The following CLCN3 variants were observed in gnomAD, a reference collection of about 807,000 sequenced individuals.
CLCN3 encodes the protein H(+)/Cl(-) exchange transporter 3.
A neutral mutation model predicts 83.4 loss-of-function variants in CLCN3; 16 were observed. The ratio of observed to expected loss-of-function variants is 0.19; its 90% CI spans 0.13 to 0.29. The LOEUF (loss-of-function observed/expected upper bound fraction) is 0.29. CLCN3 is among the 10% of genes least tolerant of loss of function. CLCN3 has a pLI of 1.00. For synonymous variants in CLCN3, 322 were observed against 346.2 expected (o/e 0.93, Z 0.78); for missense variants, 544 against 1,006.0 (o/e 0.54, Z 6.21).
chr4:169,718,276 T>G (rs1317603590), intron 12 of CLCN3, among the ~76,000 whole-genome samples: 7 of 152,138 alleles, frequency 4.6e-5, no homozygotes, highest in Admixed American at 6.5e-5. Context: ...TTTTAAATGT[T>G]TCCCGATCTT....
At chr4:169,696,819 T>TC (rs112485901) in intron 8 of CLCN3, among the ~76,000 whole-genome samples, 25,461 of 151,546 alleles carry the variant, frequency 0.17, 3,517 homozygotes, top group African/African-American at 0.39. Flanking sequence ...TATTCTTTTT[T>TC]TTTTTTTAAT....
intron 3 of CLCN3, among the ~76,000 whole-genome samples, chr4:169,685,161 G>C (rs1732105937): frequency 6.6e-6 from 1 of 151,940 alleles, no homozygotes; most frequent in Non-Finnish European, 1.5e-5. Context: ...AAATTACTTT[G>C]TTGTAAAGTC....
chr4:169,638,779 G>A (rs1730313656), intron 2 of CLCN3, among the ~76,000 whole-genome samples: 1 of 152,094 alleles, frequency 6.6e-6, no homozygotes, highest in Admixed American at 6.5e-5. Flanking sequence ...GGATCTATTT[G>A]TGTTGCTCTT....
chr4:169,663,314 T>G (rs1214080575), intron 2 of CLCN3, among the ~76,000 whole-genome samples: 42 of 131,152 alleles, frequency 3.2e-4, no homozygotes, highest in African/African-American at 1.5e-3. Flanking sequence ...AGTGGGTTTT[T>G]TTGTTGTTGT....
At chr4:169,648,918 TCGG>T (rs1730653675) in intron 2 of CLCN3, among the ~76,000 whole-genome samples, 1 of 151,694 alleles carries the variant, frequency 6.6e-6, no homozygotes, top group Non-Finnish European at 1.5e-5. Flanking sequence ...TCCCAGCTAC[TCGG>T]GAGACTGAGG....
chr4:169,690,483 G>T (rs778940223), intron 5 of CLCN3, 47 bp from the exon 6 acceptor site: 8 of 1,578,684 alleles, frequency 5.1e-6, no homozygotes, highest in Non-Finnish European at 6.9e-6. Context: ...TTGCATTAGA[G>T]GTGCAATGTA....
intron 2 of CLCN3, among the ~76,000 whole-genome samples, chr4:169,648,559 A>G (rs1040375040): frequency 1.3e-5 from 2 of 152,176 alleles, no homozygotes; most frequent in African/African-American, 4.8e-5. Context: ...TTCACTCAGC[A>G]AATAATTATT....
rs562969399 is a variant in CLCN3 at position 169,620,589 on chromosome 4, C to T, written c.-491C>T. The stretch of plus-strand genomic sequence containing the variant: ...GACTCCTGCCGCTTCTCTTCCCCTT[C>T]CGTGGGTCAGGGCCGGTCCGGTCCG... On this transcript the variant is annotated 5_prime_UTR_variant, in exon 1 of 13. Coordinates refer to ENST00000513761, the MANE Select transcript of CLCN3 (RefSeq NM_001829.4). The T allele has an allele frequency of 8.5e-4, 336 of 396,396 alleles. 15 individuals carry two copies. In the South Asian group the frequency reaches 0.036, roughly 42 times the overall value. 24.6% of individuals were successfully genotyped at this position (396,396 alleles called of 1,614,324 possible).
At chr4:169,634,545 T>C (rs1043517970) in intron 1 of CLCN3, among the ~76,000 whole-genome samples, 1 of 152,230 alleles carries the variant, frequency 6.6e-6, no homozygotes, top group African/African-American at 2.4e-5. Flanking sequence ...ATTAATATAC[T>C]CTAACAAATC....
intron 7 of CLCN3, among the ~76,000 whole-genome samples, chr4:169,692,858 T>G (rs1732423057): frequency 6.6e-6 from 1 of 152,220 alleles, no homozygotes; most frequent in Non-Finnish European, 1.5e-5. Context: ...ATTTGATTGT[T>G]TAAGGCAATT....
intron 12 of CLCN3, among the ~76,000 whole-genome samples, chr4:169,714,245 T>C (rs926464333): frequency 2.0e-5 from 3 of 151,998 alleles, no homozygotes; most frequent in Non-Finnish European, 4.4e-5. Flanking sequence ...AGCGTAAAGC[T>C]GGTTGAAATT....
At chr4:169,681,305 C>T (rs1731928365) in intron 3 of CLCN3, among the ~76,000 whole-genome samples, 1 of 152,190 alleles carries the variant, frequency 6.6e-6, no homozygotes, top group Admixed American at 6.5e-5. Context: ...ACCTCAGCCT[C>T]CCAAAGTAGA....
chr4:169,628,761 T>C (rs1235848888), intron 1 of CLCN3, among the ~76,000 whole-genome samples: 1 of 152,230 alleles, frequency 6.6e-6, no homozygotes, highest in African/African-American at 2.4e-5. Flanking sequence ...AAAACAAATA[T>C]GTGACTACTG....
In CLCN3 at chr4:169,664,841, C is replaced by T. The variant is rs568576520; in HGVS notation, c.161-15209C>T. Among the ~76,000 whole-genome samples the T allele has an allele frequency of 1.1e-4, 16 of 152,330 alleles. No homozygotes were observed. The South Asian group carries it at 3.3e-3, about 32-fold the overall frequency. Reference sequence around the variant, plus strand: ...AAGATTTCCGAGTGTGAACAGATTTCCTGCCGCATTGATTAAGTTTGTAAT... The same window carrying T: ...AAGATTTCCGAGTGTGAACAGATTTTCTGCCGCATTGATTAAGTTTGTAAT... On this transcript the variant is annotated intron_variant, in intron 2 of 12. Coordinates refer to ENST00000513761, the MANE Select transcript of CLCN3 (RefSeq NM_001829.4).
At chr4:169,650,527 A>G (rs887148436) in intron 2 of CLCN3, among the ~76,000 whole-genome samples, 23 of 152,358 alleles carry the variant, frequency 1.5e-4, no homozygotes, top group Non-Finnish European at 1.3e-4. Context: ...TTCTTAAGCC[A>G]GTTTAGAAAG....
intron 3 of CLCN3, among the ~76,000 whole-genome samples, chr4:169,683,541 G>T (rs1732028683): frequency 6.6e-6 from 1 of 152,068 alleles, no homozygotes. Context: ...TATGTAAATG[G>T]TTAGTGTACA....
intron 7 of CLCN3, among the ~76,000 whole-genome samples, chr4:169,694,525 G>C (rs1429993842): frequency 2.0e-5 from 3 of 152,232 alleles, no homozygotes; most frequent in African/African-American, 7.2e-5. Context: ...GATATTTGCT[G>C]TATTAAAGTA....
rs1732367520 is a variant in CLCN3 at position 169,691,381 on chromosome 4, T to C, written c.729+729T>C. Among the ~76,000 whole-genome samples the C allele has an allele frequency of 2.6e-5, 4 of 152,204 alleles. No individual in the cohort carries two copies. In the South Asian group the frequency reaches 8.3e-4, roughly 32 times the overall value. ...TTTTGATTAGATAAGTTAATTATTCTTGAATTTGGCCATTTTATGCTTTGA... is the reference window on the plus strand; with the variant it reads ...TTTTGATTAGATAAGTTAATTATTCCTGAATTTGGCCATTTTATGCTTTGA... On this transcript the variant is annotated intron_variant, in intron 6 of 12. Transcript: ENST00000513761.
chr4:169,648,299 T>A (rs938091976), intron 2 of CLCN3, among the ~76,000 whole-genome samples: 1 of 152,262 alleles, frequency 6.6e-6, no homozygotes, highest in Non-Finnish European at 1.5e-5. Flanking sequence ...AAACTATGAA[T>A]GAGAGGTATT....
Sources: allele counts gnomAD v4.1 joint callset (sites outside exome capture counted in the v4.1 genomes callset), GRCh38; gene constraint gnomAD v4.1.1; transcripts MANE v1.5; gene names NCBI Gene and HGNC (gene_info 2026-07-23, HGNC 2026-07-21).